SGK1: variants seen among roughly 807,000 people sequenced by gnomAD.
SGK1 encodes the protein serum/glucocorticoid regulated kinase 1.
SGK1 carries 26 observed loss-of-function variants against 64.2 expected under a neutral mutation model. That is an observed-to-expected ratio of 0.40 (90% CI 0.30 to 0.56). SGK1 has a LOEUF of 0.56. Among genes scored for constraint, SGK1 ranks in the 20% least tolerant of loss-of-function variants. The pLI, the probability that SGK1 is intolerant of heterozygous loss-of-function variation, is 0.38. For synonymous variants in SGK1, 265 were observed against 239.7 expected, an observed-to-expected ratio of 1.11 and a Z score of -0.98; for missense variants, 519 against 645.6, an observed-to-expected ratio of 0.80 and a Z score of 2.12.
intron 1 of SGK1, among the ~76,000 whole-genome samples, chr6:134,311,107 G>T (rs939161548): frequency 1.3e-5 from 2 of 152,042 alleles, no homozygotes; most frequent in Non-Finnish European, 2.9e-5. Flanking sequence ...CCAGATTTAG[G>T]TTACATTTCA....
At chr6:134,230,790 A>C (rs56263564) in intron 2 of SGK1, among the ~76,000 whole-genome samples, 5,111 of 152,226 alleles carry the variant, frequency 0.034, 101 homozygotes, top group African/African-American at 0.04. Context: ...GAGGCAGGCA[A>C]ATCACTTGAA....
chr6:134,246,364 T>A, intron 2 of SGK1, among the ~76,000 whole-genome samples: 1 of 151,560 alleles, frequency 6.6e-6, no homozygotes, highest in Admixed American at 6.6e-5. Flanking sequence ...ACCATGTTGT[T>A]AGGGCTGGTC....
At chr6:134,173,922 T>G in intron 5 of SGK1, 83 bp downstream of exon 5, 1 of 900,846 alleles carries the variant, frequency 1.1e-6, no homozygotes, top group Non-Finnish European at 1.8e-6. Context: ...TTTCTAGAAA[T>G]GCTATTTTAA....
chr6:134,262,934 T>A (rs1042847724), intron 1 of SGK1, among the ~76,000 whole-genome samples: 1 of 151,676 alleles, frequency 6.6e-6, no homozygotes, highest in Admixed American at 6.6e-5. Context: ...CCTCTTAAAG[T>A]GTTGGGATCA....
intron 2 of SGK1, among the ~76,000 whole-genome samples, chr6:134,233,526 A>G (rs1249487914): frequency 6.6e-6 from 1 of 152,244 alleles, no homozygotes; most frequent in African/African-American, 2.4e-5. Context: ...TGAACTTGTC[A>G]AAGACCAATA....
chr6:134,173,883 A>G (rs1201424568), intron 5 of SGK1, 122 bp downstream of exon 5: 6 of 700,914 alleles, frequency 8.6e-6, no homozygotes, highest in East Asian at 2.6e-5. Context: ...TTGTTATGCC[A>G]TAATGAAGCA....
At chr6:134,287,351 A>T (rs185464364) in intron 1 of SGK1, among the ~76,000 whole-genome samples, 2 of 151,550 alleles carry the variant, frequency 1.3e-5, no homozygotes, top group African/African-American at 4.8e-5. Flanking sequence ...TAATTTTTTT[A>T]TGTTTGTTAT....
intron 1 of SGK1, among the ~76,000 whole-genome samples, chr6:134,275,978 G>A (rs1485966935): frequency 1.3e-5 from 2 of 152,184 alleles, no homozygotes; most frequent in African/African-American, 4.8e-5. Flanking sequence ...TTATTAGAAT[G>A]TGAGTTTCAT....
At chr6:134,286,848 CATT>C (rs1205249494) in intron 1 of SGK1, among the ~76,000 whole-genome samples, 1 of 151,982 alleles carries the variant, frequency 6.6e-6, no homozygotes, top group Non-Finnish European at 1.5e-5. Context: ...TTTTGTTAGA[CATT>C]ATTTTGTGTG....
At chr6:134,298,428 T>C (rs1777395313) in intron 1 of SGK1, 1 of 956,360 alleles carries the variant, frequency 1.0e-6, no homozygotes, top group Non-Finnish European at 1.7e-6. Flanking sequence ...TCCCCTTCTT[T>C]TGGGTGCGCA....
chr6:134,300,304 C>T (rs560861298), intron 1 of SGK1, among the ~76,000 whole-genome samples: 5 of 151,444 alleles, frequency 3.3e-5, no homozygotes, highest in African/African-American at 1.2e-4. Context: ...TTTGGGAGGC[C>T]GAGACGGGCA....
chr6:134,308,129 G>GT (rs1417695679), intron 1 of SGK1, among the ~76,000 whole-genome samples: 1 of 151,976 alleles, frequency 6.6e-6, no homozygotes, highest in Non-Finnish European at 1.5e-5. Context: ...TGTACTCATC[G>GT]TTTTTTTCCT....
Position 134,317,998 on chromosome 6 carries a change from G to A in SGK1, c.-538C>T, listed in dbSNP as rs1028016022. 6.5e-6 allele frequency: 1 copy of A among 153,568 alleles called. No homozygotes were observed. Among genetic ancestry groups the A allele is most frequent in the Admixed American group, 6.5e-5 (1 of 15,340 alleles). 9.5% of individuals were successfully genotyped at this position (153,568 alleles called of 1,614,324 possible). On this transcript the variant is annotated 5_prime_UTR_variant, in exon 1 of 14. Transcript: ENST00000367858. ...GCCAGAGGGAGGGAGGGAGAACAGCGCCAGAAAGGCAGAGGGAGCGAGAAG... is the reference window on the plus strand; with the variant it reads ...GCCAGAGGGAGGGAGGGAGAACAGCACCAGAAAGGCAGAGGGAGCGAGAAG...
intron 1 of SGK1, among the ~76,000 whole-genome samples, chr6:134,285,477 CAAAAA>C (rs778766999): frequency 1.5e-5 from 1 of 68,464 alleles, no homozygotes; most frequent in Non-Finnish European, 3.0e-5. Flanking sequence ...GACTCTGCCT[CAAAAA>C]AAAAAAAAAA....
intron 2 of SGK1, chr6:134,230,588 C>CG (rs778670565): frequency 5.9e-5 from 9 of 151,926 alleles, no homozygotes; most frequent in African/African-American, 1.9e-4. Flanking sequence ...AAACCGCCCC[C>CG]CCATGATTCA....
intron 1 of SGK1, among the ~76,000 whole-genome samples, chr6:134,289,918 G>A (rs1444371587): frequency 6.6e-6 from 1 of 152,074 alleles, no homozygotes; most frequent in Non-Finnish European, 1.5e-5. Context: ...GGAGGCTGAG[G>A]CGGGTGGATC....
At chr6:134,189,387 A>T (rs1775474211) in intron 3 of SGK1, among the ~76,000 whole-genome samples, 1 of 152,204 alleles carries the variant, frequency 6.6e-6, no homozygotes, top group Non-Finnish European at 1.5e-5. Flanking sequence ...AAAATTACAG[A>T]GAATAAATGA....
In SGK1 at chr6:134,172,734, GGTTCCAGGAAGCAGC is replaced by G; in HGVS notation, c.860_874del (p.Arg287_Glu291del). On this transcript the variant is annotated inframe_deletion, in exon 9 of 14. Coordinates refer to ENST00000367858, the MANE Select transcript of SGK1 (RefSeq NM_001143676.3). Reference sequence around the variant, plus strand: ...TTCAGCAGCATAGAAACGAGCCCGTGGTTCCAGGAAGCAGCGTTCCCTCTGGAGATGGTAGAACAA... The same window carrying G: ...TTCAGCAGCATAGAAACGAGCCCGTGGTTCCCTCTGGAGATGGTAGAACAA... The G allele has an allele frequency of 1.9e-6, 3 of 1,614,116 alleles. No homozygotes were observed. The highest frequency in any genetic ancestry group is 2.5e-6 in the Non-Finnish European group (3 of 1,179,972).
chr6:134,234,833 G>A (rs1038769581), intron 2 of SGK1, among the ~76,000 whole-genome samples: 10 of 152,272 alleles, frequency 6.6e-5, no homozygotes, highest in African/African-American at 1.2e-4. Flanking sequence ...TTGAGATTGC[G>A]CCATTGCACT....
Sources: gnomAD v4.1 joint callset for allele counts (sites outside exome capture counted in the v4.1 genomes callset) on GRCh38, gnomAD v4.1.1 for gene constraint, MANE v1.5 for transcripts, NCBI Gene and HGNC (gene_info 2026-07-23, HGNC 2026-07-21) for gene names.